FUBP3: variants seen among roughly 807,000 people sequenced by gnomAD.
The protein encoded by FUBP3 is far upstream element binding protein 3.
In FUBP3, 28 loss-of-function variants were observed where a neutral mutation model predicts 85.6. The observed-to-expected ratio is 0.33, with a 90% CI of 0.24 to 0.45. The LOEUF is 0.45. Among genes scored for constraint, FUBP3 ranks in the 20% least tolerant of loss-of-function variants. The pLI, the probability that FUBP3 is intolerant of heterozygous loss-of-function variation, is 1.00. For synonymous variants in FUBP3, 271 were observed against 271.4 expected (o/e 1.00, Z 0.01); for missense variants, 583 against 755.1 (o/e 0.77, Z 2.67).
Position 130,616,586 on chromosome 9 carries a change from A to G in FUBP3, c.567+69A>G. ...GGTCTTCAGCTTCCTGGCCCAGGAG[A>G]TCTGCTTACGGCTGGCATTCCCTGG... On this transcript the variant is annotated intron_variant, in intron 7 of 18. Coordinates refer to ENST00000319725, the MANE Select transcript of FUBP3 (RefSeq NM_003934.2). This position sits in a 1 kb window ranked among gnomAD's most constrained non-coding sequence, Gnocchi z 4.7. The G allele has an allele frequency of 6.9e-7, 1 of 1,456,080 alleles. No individual in the cohort carries two copies. Among genetic ancestry groups the G allele is most frequent in the East Asian group, 2.3e-5 (1 of 44,104 alleles). 90.2% of individuals were successfully genotyped at this position (1,456,080 alleles called of 1,614,324 possible). A position where few individuals can be genotyped will look rare whatever the true frequency, so the allele number is the denominator to read the frequency against.
In FUBP3 at chr9:130,617,869, A is replaced by G. The variant is rs1832086990; in HGVS notation, c.640A>G (p.Ile214Val). Residue 214 changes from isoleucine (I) to valine (V), a missense_variant, in exon 8 of 19, where the codon ATC (isoleucine) becomes GTC (valine). Physicochemically the swap from Ile to Val is conservative, Grantham distance 29. Around this residue, in one of 3 missense-constraint regions of FUBP3, gnomAD observed 404 missense variants for 516.8 expected, o/e 0.78. Coordinates refer to ENST00000319725, the MANE Select transcript of FUBP3 (RefSeq NM_003934.2). ...LPTGADKPLR[I>V]TGDAFKVQQA... The stretch of plus-strand genomic sequence containing the variant: ...CACGGGAGCAGACAAGCCTCTTCGT[A>G]TCACTGGAGATGCATTTAAAGTACA... 2 of 1,596,372 alleles carry G rather than the reference A, an allele frequency of 1.3e-6. No homozygotes were observed. The highest frequency in any genetic ancestry group is 1.1e-5 in the South Asian group (1 of 90,632).
At chr9:130,630,542 G>A (rs910879734) in intron 12 of FUBP3, 86 bp from the exon 13 acceptor site, 19 of 1,091,514 alleles carry the variant, frequency 1.7e-5, no homozygotes, top group Non-Finnish European at 2.2e-5. Flanking sequence ...ATCCCCCCGA[G>A]TTGTCTTCTG....
At chr9:130,631,435 G>T in intron 13 of FUBP3, 122 bp from the exon 14 acceptor site, 1 of 1,255,476 alleles carries the variant, frequency 8.0e-7, no homozygotes. Flanking sequence ...TGAGTGCGTA[G>T]GTGTCCTTAC....
rs375591559 is a variant in FUBP3, at chr9:130,631,710, C to T, written c.1352+80C>T. The stretch of plus-strand genomic sequence containing the variant: ...CCCTGTCGTTTCCAGCTACTTCTAG[C>T]GAGTGCCAGCCAAGGCCTGAAGTTC... On this transcript the variant is annotated intron_variant, in intron 14 of 18. Transcript: ENST00000319725. 7.1e-5 allele frequency: 84 copies of T among 1,181,314 alleles called. No individual in the cohort carries two copies. In the East Asian group the frequency reaches 1.1e-3, roughly 16 times the overall value. 73.2% of individuals were successfully genotyped at this position (1,181,314 alleles called of 1,614,324 possible). A position where few individuals can be genotyped will look rare whatever the true frequency, so the allele number is the denominator to read the frequency against.
intron 13 of FUBP3, 156 bp from the exon 14 acceptor site, chr9:130,631,401 C>G: frequency 7.6e-7 from 1 of 1,319,322 alleles, no homozygotes. Context: ...GCAGCGCAGC[C>G]TGCTGTGGGA....
chr9:130,626,289 C>T (rs776574577), intron 11 of FUBP3, 75 bp from the exon 12 acceptor site: 4 of 1,484,680 alleles, frequency 2.7e-6, no homozygotes, highest in African/African-American at 1.4e-5. Flanking sequence ...GTCACTTAAC[C>T]TCCTCCCTGG....
chr9:130,598,213 A>G (rs947939263), intron 2 of FUBP3, among the ~76,000 whole-genome samples: 1 of 152,162 alleles, frequency 6.6e-6, no homozygotes, highest in Non-Finnish European at 1.5e-5. Flanking sequence ...TGTGCAATGG[A>G]CTAATGGGAG....
intron 12 of FUBP3, among the ~76,000 whole-genome samples, chr9:130,626,915 G>A (rs1448244820): frequency 1.3e-5 from 2 of 152,194 alleles, no homozygotes; most frequent in Non-Finnish European, 2.9e-5. Context: ...TGTGTCACTT[G>A]TTTCCCTTAC....
chr9:130,619,813 AG>A (rs1829665205), intron 8 of FUBP3, among the ~76,000 whole-genome samples: 1 of 152,204 alleles, frequency 6.6e-6, no homozygotes, highest in Non-Finnish European at 1.5e-5. Flanking sequence ...GAAATAAGAT[AG>A]GCTTGCCCTT....
At chr9:130,632,108 G>A in intron 15 of FUBP3, 86 bp downstream of exon 15, 2 of 1,462,382 alleles carry the variant, frequency 1.4e-6, no homozygotes. Context: ...GTCCGGTGAT[G>A]CTTGGCTGGG....
chr9:130,629,748 A>G (rs986355322), intron 12 of FUBP3, among the ~76,000 whole-genome samples: 6 of 152,174 alleles, frequency 3.9e-5, no homozygotes, highest in African/African-American at 1.2e-4. Context: ...CTGCTGCCCT[A>G]TACCAGCTTT....
chr9:130,596,023 C>T (rs1286754470), intron 2 of FUBP3, among the ~76,000 whole-genome samples: 4 of 152,204 alleles, frequency 2.6e-5, no homozygotes, highest in Non-Finnish European at 5.9e-5. Context: ...AGTCTAGCTG[C>T]CAGCTTTTTC....
chr9:130,623,560 C>A, intron 10 of FUBP3, 51 bp from the exon 11 acceptor site: 1 of 1,166,004 alleles, frequency 8.6e-7, no homozygotes, highest in South Asian at 1.2e-5. Context: ...ATCCTTGTTT[C>A]CTTCTAACGT....
intron 11 of FUBP3, among the ~76,000 whole-genome samples, chr9:130,624,808 C>T (rs1829903643): frequency 6.6e-6 from 1 of 152,110 alleles, no homozygotes; most frequent in African/African-American, 2.4e-5. Flanking sequence ...TGAACCTTGG[C>T]CAGGCACGGT....
intron 16 of FUBP3, among the ~76,000 whole-genome samples, chr9:130,634,422 A>G (rs1830336826): frequency 4.6e-5 from 7 of 152,196 alleles, no homozygotes. Context: ...TTGCGTCTCC[A>G]TCTGAAGAGG....
intron 13 of FUBP3, 137 bp from the exon 14 acceptor site, chr9:130,631,420 T>C: frequency 7.9e-7 from 1 of 1,259,046 alleles, no homozygotes; most frequent in South Asian, 1.5e-5. Context: ...GAAGGAAGGC[T>C]AGTGTGAGTG....
chr9:130,605,805 A>G (rs1286638547), intron 2 of FUBP3, among the ~76,000 whole-genome samples: 1 of 152,144 alleles, frequency 6.6e-6, no homozygotes, highest in Admixed American at 6.5e-5. Flanking sequence ...CCAACATGGT[A>G]AAACCCCATC....
chr9:130,632,350 C>T (rs150124831), intron 16 of FUBP3, 72 bp downstream of exon 16: 143 of 1,176,904 alleles, frequency 1.2e-4, no homozygotes, highest in Middle Eastern at 8.1e-4. Flanking sequence ...GGGGCCAAAA[C>T]GCCCTCGTTC....
chr9:130,589,986 A>G (rs984418420), intron 1 of FUBP3, among the ~76,000 whole-genome samples: 36 of 132,772 alleles, frequency 2.7e-4, no homozygotes, highest in Non-Finnish European at 4.7e-4. Flanking sequence ...AAGTGCTGGG[A>G]TTACAGATAT....
Sources: gnomAD v4.1 joint callset for allele counts (sites outside exome capture counted in the v4.1 genomes callset) on GRCh38, gnomAD v4.1.1 for gene constraint, gnomAD v4.1.1 regional missense constraint, Gnocchi (gnomAD v3.1) non-coding constraint, MANE v1.5 for transcripts, NCBI Gene and HGNC (gene_info 2026-07-23, HGNC 2026-07-21) for gene names.